FMN2: variants seen among roughly 807,000 people sequenced by gnomAD.
FMN2 encodes formin 2, also known as formin-2.
Under a neutral mutation model 142.3 loss-of-function variants are expected in FMN2, and 51 were observed. The ratio of observed to expected loss-of-function variants is 0.36; its 90% CI spans 0.29 to 0.45. The LOEUF (loss-of-function observed/expected upper bound fraction) is 0.45, where lower values mean the gene tolerates loss of function less well. Among genes scored for constraint, FMN2 ranks in the 20% least tolerant of loss-of-function variants. The probability of loss-of-function intolerance (pLI) is 1.00; values close to 1 mark genes in which losing one functional copy is unlikely to be tolerated. For missense variants in FMN2, 1,936 were observed against 2,122.8 expected, an observed-to-expected ratio of 0.91 and a Z score of 1.73; for synonymous variants, 882 against 869.8, an observed-to-expected ratio of 1.01 and a Z score of -0.25.
chr1:240,186,133 G>C (rs1440157775), intron 3 of FMN2, among the ~76,000 whole-genome samples: 1 of 152,072 alleles, frequency 6.6e-6, no homozygotes, highest in African/African-American at 2.4e-5. Context: ...AGTGAGTTTT[G>C]TTTTAAAATA....
intron 1 of FMN2, among the ~76,000 whole-genome samples, chr1:240,113,777 T>C (rs2103199803): frequency 6.6e-6 from 1 of 152,216 alleles, no homozygotes; most frequent in Non-Finnish European, 1.5e-5. Flanking sequence ...GAAAAGGAGT[T>C]CAGTATAGTC....
chr1:240,132,178 G>A (rs1240520143), intron 2 of FMN2, among the ~76,000 whole-genome samples: 1 of 152,180 alleles, frequency 6.6e-6, no homozygotes, highest in Non-Finnish European at 1.5e-5. Context: ...AGATTTCAGA[G>A]AGAATGATCA....
intron 6 of FMN2, among the ~76,000 whole-genome samples, chr1:240,248,746 A>G (rs1668175172): frequency 6.6e-6 from 1 of 151,796 alleles, no homozygotes; most frequent in Non-Finnish European, 1.5e-5. Flanking sequence ...CTATTTTTTT[A>G]AATAATAGTC....
At chr1:240,133,936 G>A (rs1558312236) in intron 2 of FMN2, among the ~76,000 whole-genome samples, 1 of 152,172 alleles carries the variant, frequency 6.6e-6, no homozygotes, top group Non-Finnish European at 1.5e-5. Flanking sequence ...AGAGTAGTTA[G>A]GAGTGGTCTC....
At chr1:240,142,806 G>GT (rs1400302707) in intron 2 of FMN2, 1 of 1,586,854 alleles carries the variant, frequency 6.3e-7, no homozygotes, top group Non-Finnish European at 8.6e-7. Context: ...CTGGAACCCT[G>GT]TGATGGTCTT....
chr1:240,368,606 A>G (rs375186912), intron 14 of FMN2, among the ~76,000 whole-genome samples: 113 of 152,278 alleles, frequency 7.4e-4, no homozygotes, highest in African/African-American at 2.4e-3. Flanking sequence ...TGGCGATATC[A>G]CTGCGAATAA....
intron 16 of FMN2, among the ~76,000 whole-genome samples, chr1:240,455,069 A>C (rs1324746629): frequency 3.3e-5 from 5 of 152,020 alleles, no homozygotes; most frequent in Non-Finnish European, 7.4e-5. Context: ...CACTCACAGC[A>C]CACTTTGCCA....
chr1:240,414,536 A>G (rs150178399), intron 15 of FMN2, among the ~76,000 whole-genome samples: 2 of 152,320 alleles, frequency 1.3e-5, no homozygotes, highest in East Asian at 3.9e-4. Context: ...ATTTGTAGGG[A>G]TGTTTTGCTG....
intron 15 of FMN2, chr1:240,401,138 AAAC>A (rs1203875461): frequency 6.6e-6 from 1 of 151,192 alleles, no homozygotes; most frequent in East Asian, 1.9e-4. Context: ...AAAAAAAAAA[AAAC>A]ATAGACATGC....
At chr1:240,161,438 C>T (rs1170384856) in intron 2 of FMN2, among the ~76,000 whole-genome samples, 2 of 151,332 alleles carry the variant, frequency 1.3e-5, no homozygotes, top group Admixed American at 1.3e-4. Flanking sequence ...GAGGCTGACA[C>T]AGGAGAATGG....
chr1:240,394,141 C>A (rs73128215), intron 15 of FMN2, among the ~76,000 whole-genome samples: 82 of 152,310 alleles, frequency 5.4e-4, no homozygotes, highest in African/African-American at 1.9e-3. Context: ...AGGGTCTGGC[C>A]TCTCATTGTC....
chr1:240,250,265 A>G (rs947286278), intron 6 of FMN2, among the ~76,000 whole-genome samples: 2 of 152,076 alleles, frequency 1.3e-5, no homozygotes, highest in South Asian at 4.1e-4. Flanking sequence ...GTATGTTCCT[A>G]CTATACCTAG....
chr1:240,303,345 C>T (rs74791887), intron 8 of FMN2, among the ~76,000 whole-genome samples: 4,963 of 152,202 alleles, frequency 0.033, 276 homozygotes, highest in African/African-American at 0.11. Context: ...TGGTACAGAT[C>T]GAGTGATAAT....
At position 240,339,769 on chromosome 1, in the gene FMN2, G is replaced by A. The variant is rs150318736; in HGVS notation, c.4765+5540G>A. Among the ~76,000 whole-genome samples, 931 of 152,104 alleles carry A rather than the reference G, an allele frequency of 6.1e-3. 12 individuals carry two copies. Among genetic ancestry groups the A allele is most frequent in the African/African-American group, 0.021 (870 of 41,532 alleles). Reference sequence around the variant, plus strand: ...ACATGAATTATGCAACTGGGATTATGATGCACATAATTTTTGCAATTTTTG... The same window carrying A: ...ACATGAATTATGCAACTGGGATTATAATGCACATAATTTTTGCAATTTTTG... On this transcript the variant is annotated intron_variant, in intron 13 of 17. Coordinates refer to ENST00000319653, the MANE Select transcript of FMN2 (RefSeq NM_020066.5).
chr1:240,103,987 C>G (rs993084223), intron 1 of FMN2, among the ~76,000 whole-genome samples: 3 of 151,790 alleles, frequency 2.0e-5, no homozygotes, highest in African/African-American at 7.2e-5. Context: ...CGCCATTCTC[C>G]TGCCTCAGCC....
intron 2 of FMN2, among the ~76,000 whole-genome samples, chr1:240,168,238 C>A (rs1160316281): frequency 6.6e-6 from 1 of 152,048 alleles, no homozygotes; most frequent in African/African-American, 2.4e-5. Flanking sequence ...GTCAGTAGAT[C>A]TACCTTTTAT....
intron 7 of FMN2, among the ~76,000 whole-genome samples, chr1:240,292,145 T>C (rs775407763): frequency 6.6e-6 from 1 of 152,174 alleles, no homozygotes; most frequent in Non-Finnish European, 1.5e-5. Flanking sequence ...AAAAATAATA[T>C]TCCCTTTGGA....
Position 240,092,281 on chromosome 1 carries a change from GGC to G in FMN2, c.174_175del (p.Glu60ValfsTer80), listed in dbSNP as rs869071132. 6.3e-7 allele frequency: 1 copy of G among 1,581,812 alleles called. No homozygotes were observed. Among genetic ancestry groups the G allele is most frequent in the Non-Finnish European group, 8.6e-7 (1 of 1,162,148 alleles). On this transcript the variant is annotated frameshift_variant, in exon 1 of 18. Transcript: ENST00000319653. LOFTEE classifies it high-confidence loss of function. Reference sequence around the variant, plus strand: ...CAAGGGGGGAGGGGGCGGCGGCGGCGGCGGGGAGTCGGGCAAGAAGAAGAGCA... The same window carrying G: ...CAAGGGGGGAGGGGGCGGCGGCGGCGGGGGAGTCGGGCAAGAAGAAGAGCA... ...HGKGGGGGGG[G>X]GESGKKKSKS...
intron 2 of FMN2, among the ~76,000 whole-genome samples, chr1:240,157,069 A>G (rs1168034336): frequency 6.6e-6 from 1 of 152,226 alleles, no homozygotes; most frequent in Non-Finnish European, 1.5e-5. Context: ...CTTAGCAATA[A>G]AAGGCATTTA....
Sources: allele counts gnomAD v4.1 joint callset (sites outside exome capture counted in the v4.1 genomes callset), GRCh38; gene constraint gnomAD v4.1.1; transcripts MANE v1.5; gene names NCBI Gene and HGNC (gene_info 2026-07-23, HGNC 2026-07-21).